MEOX2: variants seen among roughly 807,000 people sequenced by gnomAD.
MEOX2 encodes mesenchyme homeobox 2, also known as homeobox protein MOX-2.
In MEOX2, 11 loss-of-function variants were observed where a neutral mutation model predicts 27.0. That is an observed-to-expected ratio of 0.41 (90% CI 0.26 to 0.68). The LOEUF is 0.68. Among genes scored for constraint, MEOX2 ranks in the 30% least tolerant of loss-of-function variants. The pLI, the probability that MEOX2 is intolerant of heterozygous loss-of-function variation, is 0.33. For synonymous variants in MEOX2, 189 were observed against 155.4 expected (o/e 1.22, Z -1.61); for missense variants, 436 against 385.4 (o/e 1.13, Z -1.10).
At chr7:15,663,255 C>A (rs1484006583) in intron 1 of MEOX2, among the ~76,000 whole-genome samples, 1 of 151,146 alleles carries the variant, frequency 6.6e-6, no homozygotes, top group African/African-American at 2.4e-5. Context: ...AGTAAGAAGA[C>A]AAAATTTTCC....
At chr7:15,673,958 T>C (rs1486001321) in intron 1 of MEOX2, among the ~76,000 whole-genome samples, 4 of 152,070 alleles carry the variant, frequency 2.6e-5, no homozygotes, top group Non-Finnish European at 5.9e-5. Flanking sequence ...AAAGCAGTGC[T>C]CTAAATACAC....
chr7:15,649,216 G>C (rs1355435836), intron 1 of MEOX2, among the ~76,000 whole-genome samples: 2 of 151,952 alleles, frequency 1.3e-5, no homozygotes, highest in African/African-American at 4.8e-5. Context: ...AACAAATACA[G>C]TATTTATTGA....
chr7:15,625,693 G>C (rs918822265), intron 2 of MEOX2, among the ~76,000 whole-genome samples: 5 of 152,122 alleles, frequency 3.3e-5, no homozygotes, highest in African/African-American at 1.2e-4. Flanking sequence ...TGTCCATAAA[G>C]ATGTTTGCAT....
At chr7:15,649,206 A>G (rs1781695340) in intron 1 of MEOX2, among the ~76,000 whole-genome samples, 1 of 152,102 alleles carries the variant, frequency 6.6e-6, no homozygotes. Context: ...AATTCCACTC[A>G]ACAAATACAG....
At chr7:15,634,989 T>C (rs1203255470) in intron 1 of MEOX2, among the ~76,000 whole-genome samples, 1 of 152,022 alleles carries the variant, frequency 6.6e-6, no homozygotes, top group Non-Finnish European at 1.5e-5. Context: ...GTATTATGTT[T>C]CTACAATGCA....
At chr7:15,645,230 G>A (rs1781622800) in intron 1 of MEOX2, among the ~76,000 whole-genome samples, 1 of 152,260 alleles carries the variant, frequency 6.6e-6, no homozygotes, top group South Asian at 2.1e-4. Flanking sequence ...CACCAAAACA[G>A]GTAAATCACA....
chr7:15,612,705 T>A (rs1781052160), intron 2 of MEOX2, 94 bp from the exon 3 acceptor site: 1 of 992,026 alleles, frequency 1.0e-6, no homozygotes. Flanking sequence ...AAGAAGTTCC[T>A]CAAAGGCTTA....
intron 1 of MEOX2, chr7:15,682,019 T>G (rs972511142): frequency 2.6e-5 from 4 of 151,834 alleles, no homozygotes; most frequent in African/African-American, 7.2e-5. Context: ...TTATTTTAGA[T>G]CACATTTTAG....
Position 15,686,555 on chromosome 7 carries a change from C to G in MEOX2, c.-153G>C, listed in dbSNP as rs1228453336. ...TCTGCAGAGCTCGGATAATCCCGGT[C>G]CTGAGCCCCAGCGGCCAGTCTCCTT... On this transcript the variant is annotated 5_prime_UTR_variant, in exon 1 of 3. Coordinates refer to ENST00000262041, the MANE Select transcript of MEOX2 (RefSeq NM_005924.5). 5 of 709,198 alleles carry G rather than the reference C, an allele frequency of 7.1e-6. No individual in the cohort carries two copies. In the African/African-American group the frequency reaches 9.0e-5, roughly 13 times the overall value. The allele number at this position is 709,198 out of a possible 1,614,324, so 43.9% of individuals were successfully genotyped here. A position where few individuals can be genotyped will look rare whatever the true frequency, so the allele number is the denominator to read the frequency against.
chr7:15,662,086 C>A (rs1781927984), intron 1 of MEOX2, among the ~76,000 whole-genome samples: 2 of 103,934 alleles, frequency 1.9e-5, no homozygotes, highest in South Asian at 7.5e-4. Context: ...CCCCACCCTA[C>A]CAATTCCATT....
chr7:15,613,903 G>A (rs1005029178), intron 2 of MEOX2, among the ~76,000 whole-genome samples: 1 of 151,864 alleles, frequency 6.6e-6, no homozygotes, highest in Non-Finnish European at 1.5e-5. Context: ...GTCCTGATAA[G>A]CATATCATGG....
intron 1 of MEOX2, among the ~76,000 whole-genome samples, chr7:15,641,781 T>G (rs1437458585): frequency 1.3e-5 from 2 of 152,176 alleles, no homozygotes; most frequent in Admixed American, 1.3e-4. Flanking sequence ...TAGAACTCCC[T>G]TGAGCATTTC....
At chr7:15,639,510 T>G (rs1427017460) in intron 1 of MEOX2, among the ~76,000 whole-genome samples, 1 of 152,074 alleles carries the variant, frequency 6.6e-6, no homozygotes, top group Non-Finnish European at 1.5e-5. Flanking sequence ...CTTTTGTTTT[T>G]GGTGCATTTT....
At position 15,611,324 on chromosome 7, in the gene MEOX2, T is replaced by A. The variant is rs1373545889; in HGVS notation, c.*1063A>T. On this transcript the variant is annotated 3_prime_UTR_variant, in exon 3 of 3. Coordinates refer to ENST00000262041, the MANE Select transcript of MEOX2 (RefSeq NM_005924.5). The stretch of plus-strand genomic sequence containing the variant: ...ATAATGTGTTTTTACCGAATTTAAT[T>A]TGAAGATATTCAGAATTTTGTTTTC... 6.6e-6 allele frequency: 1 copy of A among 152,302 alleles called. No homozygotes were observed. The highest frequency in any genetic ancestry group is 1.5e-5 in the Non-Finnish European group (1 of 68,030). The allele number at this position is 152,302 out of a possible 1,614,324, so 9.4% of individuals were successfully genotyped here.
intron 2 of MEOX2, among the ~76,000 whole-genome samples, chr7:15,614,670 T>G (rs6955921): frequency 0.67 from 102,101 of 151,852 alleles, 34,556 homozygotes; most frequent in East Asian, 0.81. Flanking sequence ...TTCTATAGTT[T>G]TGATAAAACC....
chr7:15,672,688 C>A (rs902321334), intron 1 of MEOX2, among the ~76,000 whole-genome samples: 1 of 151,956 alleles, frequency 6.6e-6, no homozygotes, highest in East Asian at 1.9e-4. Flanking sequence ...GTCAGGAGAT[C>A]AAGACCATCC....
At chr7:15,663,780 C>T (rs1268442535) in intron 1 of MEOX2, among the ~76,000 whole-genome samples, 1 of 152,146 alleles carries the variant, frequency 6.6e-6, no homozygotes, top group Non-Finnish European at 1.5e-5. Context: ...GAGAGATGGG[C>T]ATAAGGCTGG....
chr7:15,637,260 G>C (rs937644422), intron 1 of MEOX2, among the ~76,000 whole-genome samples: 1 of 151,910 alleles, frequency 6.6e-6, no homozygotes, highest in African/African-American at 2.4e-5. Flanking sequence ...TTTCATCTAG[G>C]TCTTACAGAT....
intron 1 of MEOX2, among the ~76,000 whole-genome samples, chr7:15,672,629 A>G (rs146206829): frequency 0.022 from 3,383 of 152,254 alleles, 148 homozygotes; most frequent in African/African-American, 0.079. Context: ...GCGGTGGCTC[A>G]CACCCATAAT....
Sources: gnomAD v4.1 joint callset for allele counts (sites outside exome capture counted in the v4.1 genomes callset) on GRCh38, gnomAD v4.1.1 for gene constraint, MANE v1.5 for transcripts, NCBI Gene and HGNC (gene_info 2026-07-23, HGNC 2026-07-21) for gene names.